Variants in STAG1 observed in about 807,000 individuals in gnomAD.
STAG1 encodes STAG1 cohesin complex component.
STAG1 carries 26 observed loss-of-function variants against 170.9 expected under a neutral mutation model. The observed-to-expected ratio is 0.15, with a 90% CI of 0.11 to 0.21. The LOEUF (loss-of-function observed/expected upper bound fraction) is 0.21. Ranked by LOEUF, STAG1 falls within the 10% of genes least tolerant of loss-of-function variation. The probability of loss-of-function intolerance (pLI) is 1.00; values close to 1 mark genes in which losing one functional copy is unlikely to be tolerated. For synonymous variants in STAG1, 514 were observed against 497.7 expected, an observed-to-expected ratio of 1.03 and a Z score of -0.44; for missense variants, 964 against 1,509.5, an observed-to-expected ratio of 0.64 and a Z score of 5.99.
At chr3:136,357,870 A>G in intron 27 of STAG1, 22 bp from the exon 28 acceptor site, 1 of 1,577,300 alleles carries the variant, frequency 6.3e-7, no homozygotes, top group East Asian at 2.3e-5. Context: ...GAAAATATCA[A>G]CTTATTTTTC....
At chr3:136,539,888 C>T (rs1018453305) in intron 6 of STAG1, among the ~76,000 whole-genome samples, 3 of 152,114 alleles carry the variant, frequency 2.0e-5, no homozygotes, top group Non-Finnish European at 2.9e-5. Context: ...AAAATCTTAA[C>T]AGCTTCAAAC....
intron 1 of STAG1, among the ~76,000 whole-genome samples, chr3:136,714,282 G>T (rs969663714): frequency 2.0e-5 from 3 of 152,120 alleles, no homozygotes; most frequent in African/African-American, 7.2e-5. Context: ...AAGACTTAGG[G>T]TGTGAAAATA....
intron 1 of STAG1, among the ~76,000 whole-genome samples, chr3:136,716,726 G>A (rs1223638369): frequency 6.6e-6 from 1 of 152,220 alleles, no homozygotes; most frequent in African/African-American, 2.4e-5. Context: ...TAACATTTCA[G>A]TGCTTTAAAA....
chr3:136,395,960 GTGGCAAGATCT>G (rs1001089350), intron 22 of STAG1, among the ~76,000 whole-genome samples: 3 of 152,182 alleles, frequency 2.0e-5, no homozygotes, highest in African/African-American at 7.2e-5. Context: ...CTGGAATGCA[GTGGCAAGATCT>G]TGGCTCACTG....
chr3:136,438,995 G>A (rs745550972), intron 15 of STAG1, among the ~76,000 whole-genome samples: 54 of 151,566 alleles, frequency 3.6e-4, no homozygotes, highest in South Asian at 1.3e-3. Context: ...TCAGTAGTTC[G>A]AGACCAGCCT....
At chr3:136,471,571 C>T (rs117033321) in intron 12 of STAG1, among the ~76,000 whole-genome samples, 1 of 152,048 alleles carries the variant, frequency 6.6e-6, no homozygotes, top group Admixed American at 6.6e-5. Context: ...ATATTTAGTT[C>T]GTGATAGATG....
intron 1 of STAG1, among the ~76,000 whole-genome samples, chr3:136,713,531 C>T (rs1256495436): frequency 6.6e-6 from 1 of 150,840 alleles, no homozygotes; most frequent in Non-Finnish European, 1.5e-5. Flanking sequence ...TGCACTGAGC[C>T]GAGATCATGC....
intron 6 of STAG1, among the ~76,000 whole-genome samples, chr3:136,541,179 C>T (rs1042324307): frequency 2.0e-5 from 3 of 151,918 alleles, no homozygotes; most frequent in South Asian, 2.1e-4. Context: ...AATAAAACCC[C>T]GTGCCCACTC....
chr3:136,445,645 T>C (rs1321193673), intron 14 of STAG1, among the ~76,000 whole-genome samples: 1 of 152,204 alleles, frequency 6.6e-6, no homozygotes, highest in Non-Finnish European at 1.5e-5. Flanking sequence ...GAATATGCTT[T>C]TGTGCTTGAT....
chr3:136,510,594 G>C (rs1180942457), intron 7 of STAG1, among the ~76,000 whole-genome samples: 1 of 150,536 alleles, frequency 6.6e-6, no homozygotes, highest in Non-Finnish European at 1.5e-5. Context: ...GTTCTCACGA[G>C]ATCTGATGGG....
At position 136,368,185 on chromosome 3, in the gene STAG1, A is replaced by G. The variant is rs140703853; in HGVS notation, c.2545+923T>C. On this transcript the variant is annotated intron_variant, in intron 24 of 33. Coordinates refer to ENST00000383202, the MANE Select transcript of STAG1 (RefSeq NM_005862.3). ...TAAACATACTGTTTCACAGACTAGT[A>G]TTTTCCAAAATGTTGTGAAAGAACA... Among the ~76,000 whole-genome samples, 19 of 152,272 alleles carry G rather than the reference A, an allele frequency of 1.2e-4. No homozygotes were observed. The East Asian group carries it at 2.7e-3, about 22-fold the overall frequency.
chr3:136,494,509 A>G (rs943169556), intron 9 of STAG1, among the ~76,000 whole-genome samples: 2 of 152,190 alleles, frequency 1.3e-5, no homozygotes, highest in Non-Finnish European at 2.9e-5. Flanking sequence ...ATTCCTTATG[A>G]AAGTAAATGC....
At chr3:136,529,838 A>C (rs1935281468) in intron 6 of STAG1, among the ~76,000 whole-genome samples, 1 of 152,258 alleles carries the variant, frequency 6.6e-6, no homozygotes, top group South Asian at 2.1e-4. Flanking sequence ...TAATATTACA[A>C]AACAACCAGA....
chr3:136,690,585 G>C (rs770451783), intron 1 of STAG1, among the ~76,000 whole-genome samples: 13 of 152,026 alleles, frequency 8.6e-5, no homozygotes, highest in Admixed American at 2.6e-4. Flanking sequence ...CAACCCCAAA[G>C]GCATATCTGC....
chr3:136,444,176 T>A (rs1262667841), intron 14 of STAG1, among the ~76,000 whole-genome samples: 1 of 151,834 alleles, frequency 6.6e-6, no homozygotes, highest in African/African-American at 2.4e-5. Context: ...TGCGTTCAAG[T>A]GATTCTCCTG....
chr3:136,394,572 T>C (rs2087098012), intron 22 of STAG1, among the ~76,000 whole-genome samples: 1 of 151,308 alleles, frequency 6.6e-6, no homozygotes, highest in South Asian at 2.1e-4. Flanking sequence ...GTCTAGGAGT[T>C]TGAGACTAGC....
intron 21 of STAG1, among the ~76,000 whole-genome samples, chr3:136,407,667 G>T (rs1452490447): frequency 6.6e-6 from 1 of 151,966 alleles, no homozygotes; most frequent in Non-Finnish European, 1.5e-5. Context: ...TCATCATGTT[G>T]GACAAGCTGG....
chr3:136,486,614 T>G (rs754655125), intron 9 of STAG1, among the ~76,000 whole-genome samples: 1 of 152,172 alleles, frequency 6.6e-6, no homozygotes, highest in Non-Finnish European at 1.5e-5. Flanking sequence ...ATTACACAAT[T>G]TCATGGAAGC....
intron 21 of STAG1, among the ~76,000 whole-genome samples, chr3:136,399,700 T>C (rs1278142247): frequency 1.3e-5 from 2 of 152,172 alleles, no homozygotes; most frequent in African/African-American, 4.8e-5. Flanking sequence ...TGGTGCACTC[T>C]GCATGCATTT....
Sources: allele counts gnomAD v4.1 joint callset (sites outside exome capture counted in the v4.1 genomes callset), GRCh38; gene constraint gnomAD v4.1.1; transcripts MANE v1.5; gene names NCBI Gene and HGNC (gene_info 2026-07-23, HGNC 2026-07-21).